The following NR2F1-AS1 variants were observed in gnomAD, a reference collection of about 807,000 sequenced individuals.
NR2F1-AS1 encodes NR2F1 antisense RNA 1.
rs542596441 is a variant in NR2F1-AS1 at position 93,423,671 on chromosome 5, G to A, written n.639-28129C>T. On this transcript the variant is annotated intron_variant and non_coding_transcript_variant, in intron 4 of 5. Transcript: ENST00000660523. ...ACAAATCTTGTCTAACTTTAACACCGACGGCTTATGGAGTGTTTCAAATAC... is the reference window on the plus strand; with the variant it reads ...ACAAATCTTGTCTAACTTTAACACCAACGGCTTATGGAGTGTTTCAAATAC... 2.6e-5 allele frequency among the ~76,000 whole-genome samples: 4 copies of A among 152,240 alleles called. 1 individual carries two copies. In the South Asian group the frequency reaches 6.2e-4, roughly 24 times the overall value.
intron 4 of NR2F1-AS1, among the ~76,000 whole-genome samples, chr5:93,491,559 T>C (rs1057200424): frequency 6.6e-6 from 1 of 152,030 alleles, no homozygotes; most frequent in Non-Finnish European, 1.5e-5. Context: ...TCTGTGAGAG[T>C]GTGTCCAGAA....
chr5:93,495,546 C>G (rs1205530850), intron 4 of NR2F1-AS1, among the ~76,000 whole-genome samples: 2 of 151,976 alleles, frequency 1.3e-5, no homozygotes, highest in South Asian at 4.1e-4. Flanking sequence ...CATCAAAAGA[C>G]AAATGACCAG....
At chr5:93,477,071 T>G (rs1207471516) in intron 4 of NR2F1-AS1, among the ~76,000 whole-genome samples, 1 of 152,102 alleles carries the variant, frequency 6.6e-6, no homozygotes. Context: ...CGGGGAAATA[T>G]CAGGTGGGAA....
At chr5:93,424,530 A>G (rs1201760800) in intron 4 of NR2F1-AS1, among the ~76,000 whole-genome samples, 1 of 151,958 alleles carries the variant, frequency 6.6e-6, no homozygotes, top group Non-Finnish European at 1.5e-5. Flanking sequence ...ACACATTTCA[A>G]GTGTATCTAC....
chr5:93,431,400 TTGAGG>T (rs1242275875), intron 4 of NR2F1-AS1, among the ~76,000 whole-genome samples: 3 of 152,174 alleles, frequency 2.0e-5, no homozygotes, highest in Non-Finnish European at 4.4e-5. Context: ...TTATGATTGA[TTGAGG>T]TAACTGATTA....
intron 4 of NR2F1-AS1, among the ~76,000 whole-genome samples, chr5:93,434,854 T>C (rs1749400972): frequency 6.6e-6 from 1 of 152,190 alleles, no homozygotes; most frequent in African/African-American, 2.4e-5. Context: ...GTTACATATT[T>C]TGGACAGCAA....
intron 2 of NR2F1-AS1, among the ~76,000 whole-genome samples, chr5:93,562,612 T>C (rs1752518634): frequency 6.6e-6 from 1 of 152,158 alleles, no homozygotes; most frequent in East Asian, 1.9e-4. Flanking sequence ...AAGCATTTTT[T>C]CAAAAAGTGA....
chr5:93,418,385 G>C (rs1354236711), intron 4 of NR2F1-AS1, among the ~76,000 whole-genome samples: 2 of 151,922 alleles, frequency 1.3e-5, no homozygotes, highest in African/African-American at 4.8e-5. Flanking sequence ...TCAGGAGATT[G>C]AAACCATCCT....
At chr5:93,563,735 A>G (rs1752546821) in intron 1 of NR2F1-AS1, among the ~76,000 whole-genome samples, 1 of 151,524 alleles carries the variant, frequency 6.6e-6, no homozygotes, top group Admixed American at 6.6e-5. Flanking sequence ...TTCCTATTAG[A>G]AGCTGACGAA....
At chr5:93,439,205 C>A (rs1040550195) in intron 4 of NR2F1-AS1, among the ~76,000 whole-genome samples, 7 of 152,232 alleles carry the variant, frequency 4.6e-5, no homozygotes, top group African/African-American at 1.7e-4. Context: ...AATGTGCCAT[C>A]TGTAAGCAAT....
chr5:93,423,636 T>C (rs774073088), intron 4 of NR2F1-AS1, among the ~76,000 whole-genome samples: 5 of 152,202 alleles, frequency 3.3e-5, no homozygotes, highest in Non-Finnish European at 7.4e-5. Flanking sequence ...AAGTCCAAAG[T>C]AGTACAATTA....
intron 1 of NR2F1-AS1, among the ~76,000 whole-genome samples, chr5:93,571,693 A>G (rs1752772048): frequency 6.6e-6 from 1 of 152,050 alleles, no homozygotes; most frequent in African/African-American, 2.4e-5. Flanking sequence ...GCAATAAGAT[A>G]TAGACGGTGA....
chr5:93,511,170 G>C (rs561375443), intron 4 of NR2F1-AS1, among the ~76,000 whole-genome samples: 2 of 152,272 alleles, frequency 1.3e-5, no homozygotes, highest in African/African-American at 4.8e-5. Flanking sequence ...ATTAGCATTT[G>C]AATCAGTAGA....
chr5:93,530,810 C>T (rs1192812864), intron 4 of NR2F1-AS1, among the ~76,000 whole-genome samples: 1 of 152,040 alleles, frequency 6.6e-6, no homozygotes, highest in East Asian at 1.9e-4. Flanking sequence ...CTTTTAAAGA[C>T]TGGGTTATAT....
chr5:93,559,896 T>G (rs532242498), intron 2 of NR2F1-AS1, among the ~76,000 whole-genome samples: 1 of 152,234 alleles, frequency 6.6e-6, no homozygotes. Flanking sequence ...GTGTGAGATT[T>G]ACAAATTATG....
intron 4 of NR2F1-AS1, among the ~76,000 whole-genome samples, chr5:93,454,159 T>C (rs1409904461): frequency 6.6e-6 from 1 of 152,118 alleles, no homozygotes; most frequent in Non-Finnish European, 1.5e-5. Context: ...CATGTGACTG[T>C]AGTCCCAGCT....
At chr5:93,491,377 G>A (rs1750846235) in intron 4 of NR2F1-AS1, among the ~76,000 whole-genome samples, 1 of 151,136 alleles carries the variant, frequency 6.6e-6, no homozygotes, top group Non-Finnish European at 1.5e-5. Flanking sequence ...GTGGGGGGGT[G>A]GTGGTGCTGG....
chr5:93,584,894 G>A (rs1753198919), upstream of NR2F1-AS1: 1 of 154,524 alleles, frequency 6.5e-6, no homozygotes, highest in Non-Finnish European at 1.3e-5. Context: ...CGACCCCGGG[G>A]CGCCCGGCGG....
chr5:93,547,973 G>A (rs1450227523), intron 4 of NR2F1-AS1, among the ~76,000 whole-genome samples: 5 of 152,152 alleles, frequency 3.3e-5, no homozygotes, highest in Non-Finnish European at 7.3e-5. Context: ...AAAAGGGAGA[G>A]AGAATCAGTG....
Sources: allele counts gnomAD v4.1 joint callset (sites outside exome capture counted in the v4.1 genomes callset), GRCh38; gene constraint gnomAD v4.1.1; transcripts MANE v1.5; gene names NCBI Gene and HGNC (gene_info 2026-07-23, HGNC 2026-07-21).